CWH43: variants seen among roughly 807,000 people sequenced by gnomAD.
CWH43 encodes cell wall biogenesis 43 C-terminal homolog, also known as PGAP2-interacting protein.
A neutral mutation model predicts 85.7 loss-of-function variants in CWH43; 91 were observed. That is an observed-to-expected ratio of 1.06 (90% CI 0.90 to 1.26). CWH43 has a LOEUF of 1.26. CWH43 is among the 50% of genes most tolerant of loss of function. The pLI, the probability that CWH43 is intolerant of heterozygous loss-of-function variation, is 0.00. For synonymous variants in CWH43, 323 were observed against 293.6 expected (o/e 1.10, Z -1.02); for missense variants, 869 against 839.2 (o/e 1.04, Z -0.44).
At chr4:49,017,006 G>A (rs1783568971) in intron 8 of CWH43, 5 of 773,306 alleles carry the variant, frequency 6.5e-6, no homozygotes, top group Non-Finnish European at 1.2e-5. Flanking sequence ...TCTGCTGGGT[G>A]AAGTCGATAT....
chr4:49,034,914 T>C (rs920049574), intron 12 of CWH43, among the ~76,000 whole-genome samples: 2 of 152,190 alleles, frequency 1.3e-5, no homozygotes, highest in Non-Finnish European at 2.9e-5. Flanking sequence ...CAGACAACTA[T>C]GAATATAAGG....
chr4:49,047,085 T>G (rs1223355535), intron 14 of CWH43, among the ~76,000 whole-genome samples: 6 of 152,150 alleles, frequency 3.9e-5, no homozygotes, highest in Admixed American at 1.3e-4. Flanking sequence ...GGGGCCGACG[T>G]TAATGGATCT....
intron 9 of CWH43, among the ~76,000 whole-genome samples, chr4:49,026,516 T>C (rs1226943387): frequency 6.6e-6 from 1 of 152,154 alleles, no homozygotes; most frequent in African/African-American, 2.4e-5. Context: ...ATCCCCAATA[T>C]GTAGTCTTTT....
At chr4:48,989,486 T>C (rs1782590902) in intron 2 of CWH43, among the ~76,000 whole-genome samples, 2 of 152,250 alleles carry the variant, frequency 1.3e-5, no homozygotes, top group African/African-American at 4.8e-5. Flanking sequence ...CCTACAGATA[T>C]ACTCACAGTC....
rs370635335 is a variant in CWH43, at chr4:48,988,513, C to T, written c.80C>T (p.Pro27Leu). 2.1e-5 allele frequency: 34 copies of T among 1,608,236 alleles called. No homozygotes were observed. Among genetic ancestry groups the T allele is most frequent in the Admixed American group, 3.4e-5 (2 of 58,938 alleles). ...VSWSLYHDLG[P>L]MIYYFPLQTL... Reference sequence around the variant, plus strand: ...TGGTCTCTCTACCATGACCTGGGACCGATGATCTATTACTTTCCTTTGCAA... The same window carrying T: ...TGGTCTCTCTACCATGACCTGGGACTGATGATCTATTACTTTCCTTTGCAA... The change falls in exon 2 of 16, where the codon CCG (proline) becomes CTG (leucine). Residue 27 changes from proline (P) to leucine (L), a missense_variant. This residue lies in a region of CWH43 where 140 missense variants were observed against 122.6 expected (regional missense o/e 1.14). Transcript: ENST00000226432.
chr4:48,991,832 A>C (rs1782669571), intron 3 of CWH43, 104 bp from the exon 4 acceptor site: 19 of 1,045,818 alleles, frequency 1.8e-5, no homozygotes, highest in Middle Eastern at 3.2e-4. Flanking sequence ...GCAAATTACC[A>C]ATAAGACTAT....
chr4:48,991,890 A>G, intron 3 of CWH43, 46 bp from the exon 4 acceptor site: 2 of 1,514,270 alleles, frequency 1.3e-6, no homozygotes, highest in South Asian at 1.2e-5. Flanking sequence ...GACATAGTAC[A>G]TTGAGTCCAC....
rs574339944 is a variant in CWH43, at chr4:49,005,312, G to T, written c.1060+1320G>T. Among the ~76,000 whole-genome samples, 87 of 152,188 alleles carry T rather than the reference G, an allele frequency of 5.7e-4. 1 individual carries two copies. The highest frequency in any genetic ancestry group is 1.1e-3 in the Non-Finnish European group (75 of 68,008). On this transcript the variant is annotated intron_variant, in intron 7 of 15. Coordinates refer to ENST00000226432, the MANE Select transcript of CWH43 (RefSeq NM_025087.3). ...TTAGAGTATCCATCACCCTGACAGG[G>T]TACATTGTATCCATTAATCAATTTC...
chr4:49,050,829 G>C lies in CWH43; in HGVS notation c.2001G>C (p.Glu667Asp), dbSNP rs200019400. Residue 667 changes from glutamate to aspartate, a missense_variant, in exon 15 of 16, where the codon GAG (glutamate) becomes GAC (aspartate). Glu to Asp is a conservative substitution (Grantham distance 45, BLOSUM62 2). This residue lies in a region of CWH43 where 577 missense variants were observed against 513.1 expected (regional missense o/e 1.12). Coordinates refer to ENST00000226432, the MANE Select transcript of CWH43 (RefSeq NM_025087.3). ...TCATAGACCACAGAGAAGTTTCTGAGAAAATTCATTTTAATCCCAGGTGAG... is the reference window on the plus strand; with the variant it reads ...TCATAGACCACAGAGAAGTTTCTGACAAAATTCATTTTAATCCCAGGTGAG... ...KVVIDHREVS[E>D]KIHFNPRFGS... 23 of 1,612,440 alleles carry C rather than the reference G, an allele frequency of 1.4e-5. No homozygotes were observed. In the East Asian group the frequency reaches 1.6e-4, roughly 11 times the overall value.
chr4:49,049,050 G>C (rs750064720), intron 14 of CWH43, among the ~76,000 whole-genome samples: 1 of 152,018 alleles, frequency 6.6e-6, no homozygotes, highest in Admixed American at 6.6e-5. Context: ...CAAGGCTTTT[G>C]GTGTATTTTT....
intron 13 of CWH43, among the ~76,000 whole-genome samples, chr4:49,040,952 T>A (rs553271327): frequency 2.1e-4 from 32 of 152,234 alleles, no homozygotes; most frequent in Non-Finnish European, 2.4e-4. Context: ...AGTTTCAGCT[T>A]TCTGCATATG....
chr4:49,014,766 G>A (rs759365670), intron 8 of CWH43, among the ~76,000 whole-genome samples: 7 of 152,188 alleles, frequency 4.6e-5, no homozygotes, highest in African/African-American at 7.2e-5. Context: ...TATGGAAAGC[G>A]TGGAGATTTT....
rs111604480 is a variant in CWH43 at position 48,994,545 on chromosome 4, A to G, written c.512-74A>G. 2.2e-4 allele frequency: 281 copies of G among 1,272,276 alleles called. 3 individuals are homozygous for G. The African/African-American group carries it at 3.5e-3, about 16-fold the overall frequency. 78.8% of individuals were successfully genotyped at this position (1,272,276 alleles called of 1,614,324 possible). A position where few individuals can be genotyped will look rare whatever the true frequency, so the allele number is the denominator to read the frequency against. ...AGCCAAATACCATTTCTTCCTTGCT[A>G]AAAGTCTGCTAAATATAGAGCGCAA... On this transcript the variant is annotated intron_variant, in intron 4 of 15. Transcript: ENST00000226432.
At chr4:49,056,779 T>C (rs540991642) in intron 15 of CWH43, among the ~76,000 whole-genome samples, 6 of 152,232 alleles carry the variant, frequency 3.9e-5, no homozygotes, top group Non-Finnish European at 7.4e-5. Context: ...TTAAGGTAGG[T>C]GTTTATTGCT....
intron 15 of CWH43, among the ~76,000 whole-genome samples, chr4:49,059,381 C>A (rs908934092): frequency 6.6e-6 from 1 of 151,890 alleles, no homozygotes; most frequent in African/African-American, 2.4e-5. Context: ...TTTAGTTGTC[C>A]ATCTGTGTTC....
intron 14 of CWH43, among the ~76,000 whole-genome samples, chr4:49,046,522 G>A (rs562485908): frequency 6.6e-6 from 1 of 152,104 alleles, no homozygotes. Flanking sequence ...CATGATGAAA[G>A]AAAAATAATA....
chr4:49,018,998 C>A (rs1783650271), intron 9 of CWH43, among the ~76,000 whole-genome samples: 1 of 152,136 alleles, frequency 6.6e-6, no homozygotes, highest in African/African-American at 2.4e-5. Flanking sequence ...TCCAGGAATT[C>A]TTTTTGGAAG....
At chr4:49,008,263 A>G (rs1196260592) in intron 8 of CWH43, among the ~76,000 whole-genome samples, 1 of 151,528 alleles carries the variant, frequency 6.6e-6, no homozygotes, top group East Asian at 1.9e-4. Context: ...GGCTGCATAA[A>G]TGTCTTCTTT....
intron 14 of CWH43, among the ~76,000 whole-genome samples, chr4:49,046,827 C>G (rs887473814): frequency 6.6e-6 from 1 of 152,098 alleles, no homozygotes; most frequent in East Asian, 1.9e-4. Flanking sequence ...TTCACAGGTT[C>G]CTCTACATAC....
Sources: gnomAD v4.1 joint callset for allele counts (sites outside exome capture counted in the v4.1 genomes callset) on GRCh38, gnomAD v4.1.1 for gene constraint, gnomAD v4.1.1 regional missense constraint, MANE v1.5 for transcripts, NCBI Gene and HGNC (gene_info 2026-07-23, HGNC 2026-07-21) for gene names.